Variants in KRT6A observed in about 807,000 individuals in gnomAD.
KRT6A encodes keratin 6A, also known as keratin, type II cytoskeletal 6A.
Under a neutral mutation model 48.6 loss-of-function variants are expected in KRT6A, and 28 were observed. The observed-to-expected ratio is 0.58, with a 90% CI of 0.43 to 0.79. The LOEUF (loss-of-function observed/expected upper bound fraction) is 0.79, where lower values mean the gene tolerates loss of function less well. Among genes scored for constraint, KRT6A ranks in the 30% least tolerant of loss-of-function variants. The pLI, the probability that KRT6A is intolerant of heterozygous loss-of-function variation, is 0.00. For missense variants in KRT6A, 687 were observed against 724.3 expected (o/e 0.95, Z 0.59); for synonymous variants, 301 against 294.2 (o/e 1.02, Z -0.24).
At chr12:52,489,393 T>C (rs167227) in intron 6 of KRT6A, among the ~76,000 whole-genome samples, 89,736 of 151,840 alleles carry the variant, frequency 0.59, 26,710 homozygotes, top group East Asian at 0.72. Flanking sequence ...ATTCTCCTGC[T>C]TCAGTCTCCT....
Position 52,491,756 on chromosome 12 carries a change from A to C in KRT6A, c.541-20T>G, listed in dbSNP as rs1463082357. 1 of 1,614,068 alleles carries C rather than the reference A, an allele frequency of 6.2e-7. No homozygotes were observed. Among genetic ancestry groups the C allele is most frequent in the African/African-American group, 1.3e-5 (1 of 75,028 alleles). On this transcript the variant is annotated intron_variant, in intron 1 of 8. Transcript: ENST00000330722. ...CCGCACCTGAAAGAGAGACAAGATG[A>C]TCATTTTCCAGGCAAGGGAAGGAAG...
At chr12:52,492,367 G>A (rs564597582) in intron 1 of KRT6A, among the ~76,000 whole-genome samples, 106 of 152,184 alleles carry the variant, frequency 7.0e-4, no homozygotes, top group Non-Finnish European at 1.1e-3. Flanking sequence ...ACGCTTCAAA[G>A]GGAAGAGTTA....
chr12:52,493,108 C>T lies in KRT6A; in HGVS notation c.81G>A (p.Gly27=), dbSNP rs777020530. ...GFSANSARLP[G]VSRSGFSSVS... is the part of the protein sequence containing the mutation. ...CGCTGCTGAAGCCAGAGCGGCTGACCCCAGGGAGCCTGGCTGAGTTGGCAC... is the reference window on the plus strand; with the variant it reads ...CGCTGCTGAAGCCAGAGCGGCTGACTCCAGGGAGCCTGGCTGAGTTGGCAC... Residue 27 remains glycine, a synonymous_variant, in exon 1 of 9, where the codon GGG becomes GGA. Coordinates refer to ENST00000330722, the MANE Select transcript of KRT6A (RefSeq NM_005554.4). The T allele has an allele frequency of 3.1e-6, 5 of 1,613,894 alleles. No individual in the cohort carries two copies. The highest frequency in any genetic ancestry group is 1.3e-5 in the African/African-American group (1 of 74,930).
intron 6 of KRT6A, 139 bp downstream of exon 6, chr12:52,489,804 A>G: frequency 7.2e-7 from 1 of 1,381,390 alleles, no homozygotes; most frequent in African/African-American, 1.4e-5. Flanking sequence ...AGCAGCAGGT[A>G]CCCACTAAGG....
intron 5 of KRT6A, 159 bp from the exon 6 acceptor site, chr12:52,490,227 C>T (rs1592185047): frequency 9.4e-6 from 13 of 1,389,034 alleles, no homozygotes; most frequent in Non-Finnish European, 1.3e-5. Context: ...GGATACTAAA[C>T]ACTGGAGTCA....
At chr12:52,490,815 C>A (rs1374816173) in intron 4 of KRT6A, 43 bp downstream of exon 4, 1 of 1,614,114 alleles carries the variant, frequency 6.2e-7, no homozygotes, top group Non-Finnish European at 8.5e-7. Context: ...CTCCCCTTTG[C>A]AGACCCCATC....
At chr12:52,491,065 C>G in intron 3 of KRT6A, 47 bp downstream of exon 3, 1 of 1,613,936 alleles carries the variant, frequency 6.2e-7, no homozygotes. Context: ...CACAAAGCCA[C>G]TTCTCTCCTT....
chr12:52,488,087 C>G lies in KRT6A; in HGVS notation c.1441G>C (p.Val481Leu). Reference sequence around the variant, plus strand: ...TACTTACAGATGTTGACTTGTCCAACGCCTTCGCCATTCAGCCTGTGGAGA... The same window carrying G: ...TACTTACAGATGTTGACTTGTCCAAGGCCTTCGCCATTCAGCCTGTGGAGA... ...GEECRLNGEG[V>L]GQVNISVVQS... The change falls in exon 8 of 9, where the codon GTT becomes CTT. Residue 481 changes from valine to leucine, a missense_variant. Transcript: ENST00000330722. The G allele has an allele frequency of 6.2e-7, 1 of 1,614,014 alleles. No individual in the cohort carries two copies. The highest frequency in any genetic ancestry group is 1.7e-5 in the Admixed American group (1 of 60,022).
chr12:52,487,674 A>C lies in KRT6A; in HGVS notation c.*46T>G. ...AACCTGAGGAGAGGGCTCTGCAGCCAGAGAGGGGCCTGAGGACTGTGGGAC... is the reference window on the plus strand; with the variant it reads ...AACCTGAGGAGAGGGCTCTGCAGCCCGAGAGGGGCCTGAGGACTGTGGGAC... On this transcript the variant is annotated 3_prime_UTR_variant, in exon 9 of 9. Coordinates refer to ENST00000330722, the MANE Select transcript of KRT6A (RefSeq NM_005554.4). 8 of 1,612,796 alleles carry C rather than the reference A, an allele frequency of 5.0e-6. No individual in the cohort carries two copies. Among genetic ancestry groups the C allele is most frequent in the Non-Finnish European group, 6.8e-6 (8 of 1,178,968 alleles).
intron 6 of KRT6A, among the ~76,000 whole-genome samples, chr12:52,489,164 C>T (rs1236774186): frequency 6.6e-6 from 1 of 152,198 alleles, no homozygotes; most frequent in Admixed American, 6.5e-5. Context: ...AATCCAATTC[C>T]TCTAGACCAA....
intron 6 of KRT6A, 77 bp downstream of exon 6, chr12:52,489,866 T>C (rs1170393185): frequency 6.2e-7 from 1 of 1,611,158 alleles, no homozygotes; most frequent in Non-Finnish European, 8.5e-7. Context: ...CAGGGGATTT[T>C]CCCTAATATA....
rs1707768 is a variant in KRT6A at position 52,492,772 on chromosome 12, G to A, written c.417C>T (p.Thr139=). ...GGGGAGTCAGGAGACTCTGGTTGAC[G>A]GTGACCTCTTGGATGCCTCCAGGGG... The part of the protein sequence containing the change: ...VCPPGGIQEV[T]VNQSLLTPLN... The change falls in exon 1 of 9, where the codon ACC becomes ACT. Residue 139 remains threonine (T), a synonymous_variant. Coordinates refer to ENST00000330722, the MANE Select transcript of KRT6A (RefSeq NM_005554.4). 262 of 1,613,370 alleles carry A rather than the reference G, an allele frequency of 1.6e-4. 1 individual carries two copies. The highest frequency in any genetic ancestry group is 3.3e-4 in the Middle Eastern group (2 of 6,002).
At chr12:52,492,575 C>T (rs1436945261) in intron 1 of KRT6A, 74 bp downstream of exon 1, 18 of 1,612,840 alleles carry the variant, frequency 1.1e-5, no homozygotes, top group Admixed American at 1.7e-5. Flanking sequence ...TCCTAGGTCT[C>T]CCTGGCAGGA....
At position 52,493,214 on chromosome 12, in the gene KRT6A, G is replaced by A. The variant is rs2120413534; in HGVS notation, c.-26C>T. ...GGTTCCAGGAGATGAGAGAGCTGAG[G>A]AGAGTGTGAGAGGCTGGAGGAGAGA... On this transcript the variant is annotated 5_prime_UTR_variant, in exon 1 of 9. Transcript: ENST00000330722. 1.9e-6 allele frequency: 3 copies of A among 1,614,016 alleles called. No homozygotes were observed. The East Asian group carries it at 6.7e-5, about 36-fold the overall frequency.
chr12:52,492,905 C>G lies in KRT6A; in HGVS notation c.284G>C (p.Gly95Ala), dbSNP rs1434760041. The G allele has an allele frequency of 6.2e-7, 1 of 1,607,298 alleles. No homozygotes were observed. Among genetic ancestry groups the G allele is most frequent in the Admixed American group, 1.7e-5 (1 of 59,568 alleles). Residue 95 changes from glycine to alanine, a missense_variant, in exon 1 of 9, where the codon GGC becomes GCC. Coordinates refer to ENST00000330722, the MANE Select transcript of KRT6A (RefSeq NM_005554.4). ...SRAGGSYGFG[G>A]AGSGFGFGGG... ...ACCGAAACCAAATCCACTCCCGGCG[C>G]CACCAAAGCCATAGCTGCCTCCGGC...
chr12:52,491,833 G>C (rs1369136529), intron 1 of KRT6A, 97 bp from the exon 2 acceptor site: 2 of 1,486,276 alleles, frequency 1.3e-6, no homozygotes, highest in Non-Finnish European at 1.8e-6. Flanking sequence ...TTCCCATGGT[G>C]CTGGGCTACT....
rs1449780449 is a variant in KRT6A at position 52,492,968 on chromosome 12, C to G, written c.221G>C (p.Gly74Ala). 9 of 1,610,512 alleles carry G rather than the reference C, an allele frequency of 5.6e-6. No homozygotes were observed. Among genetic ancestry groups the G allele is most frequent in the Non-Finnish European group, 6.8e-6 (8 of 1,178,962 alleles). Residue 74 changes from glycine (G) to alanine (A), a missense_variant, in exon 1 of 9, where the codon GGG becomes GCG. Around this residue, in one of 3 missense-constraint regions of KRT6A, gnomAD observed 49 missense variants for 97.3 expected, o/e 0.50. Transcript: ENST00000330722. ...LGGSKRISIG[G>A]GSCAISGGYG... The stretch of plus-strand genomic sequence containing the variant: ...GCCGCCACTGATGGCACAGCTGCCC[C>G]CTCCAATGGAGATCCTCTTGGAGCC...
chr12:52,492,535 A>G (rs1453930248), intron 1 of KRT6A, 114 bp downstream of exon 1: 1 of 1,585,542 alleles, frequency 6.3e-7, no homozygotes, highest in East Asian at 2.2e-5. Flanking sequence ...CACTCTCTGC[A>G]GAGCTGGGCT....
At chr12:52,489,781 T>A (rs1938223823) in intron 6 of KRT6A, 162 bp downstream of exon 6, 4 of 1,153,474 alleles carry the variant, frequency 3.5e-6, no homozygotes, top group Non-Finnish European at 3.8e-6. Context: ...ATAGGTAGGA[T>A]CTATGTCTCC....
Sources: allele counts gnomAD v4.1 joint callset (sites outside exome capture counted in the v4.1 genomes callset), GRCh38; gene constraint gnomAD v4.1.1; regional missense constraint gnomAD v4.1.1; transcripts MANE v1.5; gene names NCBI Gene and HGNC (gene_info 2026-07-23, HGNC 2026-07-21).